EEF1AKMT3: variants seen among roughly 807,000 people sequenced by gnomAD.
The protein encoded by EEF1AKMT3 is eEF1A-KMT3.
In EEF1AKMT3, 17 loss-of-function variants were observed where a neutral mutation model predicts 17.8. That is an observed-to-expected ratio of 0.96 (90% CI 0.65 to 1.43). The LOEUF is 1.43. Among genes scored for constraint, EEF1AKMT3 ranks in the 40% most tolerant of loss-of-function variants. EEF1AKMT3 has a pLI of 0.00. For missense variants in EEF1AKMT3, 244 were observed against 285.8 expected (o/e 0.85, Z 1.06); for synonymous variants, 116 against 126.5 (o/e 0.92, Z 0.56).
intron 2 of EEF1AKMT3, 99 bp downstream of exon 2, chr12:57,773,227 C>A: frequency 9.4e-7 from 1 of 1,063,032 alleles, no homozygotes; most frequent in Non-Finnish European, 1.4e-6. Context: ...AACTTTGGGC[C>A]CAGTCTAACC....
intron 2 of EEF1AKMT3, 125 bp downstream of exon 2, chr12:57,773,253 A>AT (rs955453763): frequency 3.1e-4 from 265 of 864,316 alleles, no homozygotes; most frequent in South Asian, 6.6e-4. Context: ...TTTTTAACAA[A>AT]TTTTTTTTTA....
At chr12:57,777,108 C>G (rs1167499869) in intron 2 of EEF1AKMT3, among the ~76,000 whole-genome samples, 3 of 152,170 alleles carry the variant, frequency 2.0e-5, no homozygotes, top group African/African-American at 4.8e-5. Context: ...TCAAGCCCCC[C>G]ACTTGTCACA....
Position 57,773,159 on chromosome 12 carries a change from T to A in EEF1AKMT3, c.289+31T>A, listed in dbSNP as rs771392884. Reference sequence around the variant, plus strand: ...TGAGCTGGCTTTTTACGGGAGAGAGTGGGGACCCAGGGGCGCGGAGAAATG... The same window carrying A: ...TGAGCTGGCTTTTTACGGGAGAGAGAGGGGACCCAGGGGCGCGGAGAAATG... On this transcript the variant is annotated intron_variant, in intron 2 of 2. Transcript: ENST00000300209. 3.1e-6 allele frequency: 5 copies of A among 1,605,028 alleles called. No homozygotes were observed. In the East Asian group the frequency reaches 8.9e-5, roughly 29 times the overall value.
intron 2 of EEF1AKMT3, among the ~76,000 whole-genome samples, chr12:57,779,277 C>T (rs1955497988): frequency 6.6e-6 from 1 of 152,094 alleles, no homozygotes; most frequent in African/African-American, 2.4e-5. Context: ...TGGGGCTTCA[C>T]CATGGCATAT....
In EEF1AKMT3 at chr12:57,781,680, A is replaced by G. The variant is rs1483948138; in HGVS notation, c.*1034A>G. 1 of 152,194 alleles carries G rather than the reference A, an allele frequency of 6.6e-6. No homozygotes were observed. Among genetic ancestry groups the G allele is most frequent in the African/African-American group, 2.4e-5 (1 of 41,440 alleles). The allele number at this position is 152,194 out of a possible 1,614,324, so 9.4% of individuals were successfully genotyped here. A position where few individuals can be genotyped will look rare whatever the true frequency, so the allele number is the denominator to read the frequency against. Reference sequence around the variant, plus strand: ...TCTTTGATTTTTCTTTAGCTTCATCAGTCCTTCCTTCCTAATCTCTAATCC... The same window carrying G: ...TCTTTGATTTTTCTTTAGCTTCATCGGTCCTTCCTTCCTAATCTCTAATCC... On this transcript the variant is annotated 3_prime_UTR_variant, in exon 3 of 3. Transcript: ENST00000300209.
At chr12:57,777,280 A>G (rs957238545) in intron 2 of EEF1AKMT3, among the ~76,000 whole-genome samples, 1 of 152,154 alleles carries the variant, frequency 6.6e-6, no homozygotes, top group Non-Finnish European at 1.5e-5. Context: ...CTTATTTCAG[A>G]AAAAAACTCT....
chr12:57,773,958 C>G (rs1251464295), intron 2 of EEF1AKMT3, among the ~76,000 whole-genome samples: 2 of 151,968 alleles, frequency 1.3e-5, no homozygotes, highest in Admixed American at 6.6e-5. Flanking sequence ...TTGTAGGAAG[C>G]GGGGTAGGAA....
At chr12:57,777,233 T>C (rs1299575688) in intron 2 of EEF1AKMT3, among the ~76,000 whole-genome samples, 1 of 152,214 alleles carries the variant, frequency 6.6e-6, no homozygotes, top group Admixed American at 6.5e-5. Context: ...TAGTAATATA[T>C]GGAATATAAA....
chr12:57,775,276 C>T (rs917324499), intron 2 of EEF1AKMT3, among the ~76,000 whole-genome samples: 1 of 152,106 alleles, frequency 6.6e-6, no homozygotes, highest in African/African-American at 2.4e-5. Flanking sequence ...TCCTTCTTTG[C>T]CTCCTATTTA....
Position 57,780,719 on chromosome 12 carries a change from G to T in EEF1AKMT3, c.*73G>T. The T allele has an allele frequency of 2.6e-6, 4 of 1,566,374 alleles. No homozygotes were observed. The South Asian group carries it at 4.6e-5, about 18-fold the overall frequency. ...GTGTATCTCAAAAACCATATTTCCA[G>T]AGCCACAAACATGAGGACCAAAAAG... On this transcript the variant is annotated 3_prime_UTR_variant, in exon 3 of 3. Coordinates refer to ENST00000300209, the MANE Select transcript of EEF1AKMT3 (RefSeq NM_015433.3).
At chr12:57,778,542 A>G (rs1955494319) in intron 2 of EEF1AKMT3, among the ~76,000 whole-genome samples, 1 of 151,936 alleles carries the variant, frequency 6.6e-6, no homozygotes, top group Non-Finnish European at 1.5e-5. Flanking sequence ...TCAAGCAGTC[A>G]TCCCGCATTG....
intron 2 of EEF1AKMT3, among the ~76,000 whole-genome samples, chr12:57,778,862 C>A (rs1955496039): frequency 1.3e-5 from 2 of 152,084 alleles, no homozygotes; most frequent in Non-Finnish European, 2.9e-5. Context: ...CAGCGTGTGC[C>A]ATTCTTTTTT....
rs1955515138 is a variant in EEF1AKMT3, at chr12:57,781,500, T to C, written c.*854T>C. On this transcript the variant is annotated 3_prime_UTR_variant, in exon 3 of 3. Transcript: ENST00000300209. ...TTAGAGATAGAGTCTAGTGGAACCA[T>C]GGCTCTAACTGGGTCAAGTCCTCCT... 1 of 152,168 alleles carries C rather than the reference T, an allele frequency of 6.6e-6. No homozygotes were observed. The highest frequency in any genetic ancestry group is 6.5e-5 in the Admixed American group (1 of 15,276). 9.4% of individuals were successfully genotyped at this position (152,168 alleles called of 1,614,324 possible). A position where few individuals can be genotyped will look rare whatever the true frequency, so the allele number is the denominator to read the frequency against.
Position 57,775,668 on chromosome 12 carries a change from A to G in EEF1AKMT3, c.289+2540A>G, listed in dbSNP as rs149104254. On this transcript the variant is annotated intron_variant, in intron 2 of 2. Transcript: ENST00000300209. ...TCTGGGGAAGTATTATCTTTTCAGC[A>G]TCTCTAGTTCAGGCCACTGGCATCT... Among the ~76,000 whole-genome samples the G allele has an allele frequency of 4.0e-3, 608 of 152,296 alleles. 9 individuals are homozygous for G. The highest frequency in any genetic ancestry group is 0.014 in the African/African-American group (593 of 41,552).
chr12:57,774,493 A>T (rs1955467234), intron 2 of EEF1AKMT3: 1 of 577,028 alleles, frequency 1.7e-6, no homozygotes, highest in Non-Finnish European at 3.2e-6. Flanking sequence ...AAATAAAAAA[A>T]GGGAAATCTT....
Position 57,780,259 on chromosome 12 carries a change from G to A in EEF1AKMT3, c.294G>A (p.Gly98=), listed in dbSNP as rs776610570. The A allele has an allele frequency of 1.2e-6, 2 of 1,611,880 alleles. No homozygotes were observed. Among genetic ancestry groups the A allele is most frequent in the Non-Finnish European group, 1.7e-6 (2 of 1,179,484 alleles). The change falls in exon 3 of 3, where the codon GGG becomes GGA. Residue 98 remains glycine, a synonymous_variant. Transcript: ENST00000300209. ...TTCCTCCTTCCTCTCTCTCAGGGGG[G>A]GATGTTACCATCACTGACCTGCCCC... ...IVGILAALQG[G]DVTITDLPLA...
At position 57,780,740 on chromosome 12, in the gene EEF1AKMT3, A is replaced by G; in HGVS notation, c.*94A>G. ...TCCAGAGCCACAAACATGAGGACCA[A>G]AAAGGATGGATTTCCCTGGCCTCTC... On this transcript the variant is annotated 3_prime_UTR_variant, in exon 3 of 3. Transcript: ENST00000300209. The G allele has an allele frequency of 6.7e-7, 1 of 1,502,602 alleles. No individual in the cohort carries two copies. The highest frequency in any genetic ancestry group is 9.0e-7 in the Non-Finnish European group (1 of 1,116,692). The allele number at this position is 1,502,602 out of a possible 1,614,324, so 93.1% of individuals were successfully genotyped here.
At position 57,772,637 on chromosome 12, in the gene EEF1AKMT3, A is replaced by G; in HGVS notation, c.-88A>G. 1 of 1,408,998 alleles carries G rather than the reference A, an allele frequency of 7.1e-7. No individual in the cohort carries two copies. The highest frequency in any genetic ancestry group is 1.4e-5 in the South Asian group (1 of 71,494). The allele number at this position is 1,408,998 out of a possible 1,614,324, so 87.3% of individuals were successfully genotyped here. A position where few individuals can be genotyped will look rare whatever the true frequency, so the allele number is the denominator to read the frequency against. ...GGGCTCGTTCCACAGGGACACCACG[A>G]CGGCTCGCGGCCCCCAGCCTCTACC... On this transcript the variant is annotated 5_prime_UTR_variant, in exon 1 of 3. Coordinates refer to ENST00000300209, the MANE Select transcript of EEF1AKMT3 (RefSeq NM_015433.3). The surrounding 1 kb of genome is among the most constrained non-coding windows in gnomAD (Gnocchi z 4.1).
Position 57,780,261 on chromosome 12 carries a change from A to G in EEF1AKMT3, c.296A>G (p.Asp99Gly). Residue 99 changes from aspartate (D) to glycine (G), a missense_variant, in exon 3 of 3, where the codon GAT (aspartate) becomes GGT (glycine). Transcript: ENST00000300209. Reference sequence around the variant, plus strand: ...CCTCCTTCCTCTCTCTCAGGGGGGGATGTTACCATCACTGACCTGCCCCTG... The same window carrying G: ...CCTCCTTCCTCTCTCTCAGGGGGGGGTGTTACCATCACTGACCTGCCCCTG... ...VGILAALQGG[D>G]VTITDLPLAL... 1 of 1,610,180 alleles carries G rather than the reference A, an allele frequency of 6.2e-7. No homozygotes were observed. The highest frequency in any genetic ancestry group is 8.5e-7 in the Non-Finnish European group (1 of 1,179,072).
Sources: allele counts gnomAD v4.1 joint callset (sites outside exome capture counted in the v4.1 genomes callset), GRCh38; gene constraint gnomAD v4.1.1; non-coding constraint Gnocchi (gnomAD v3.1); transcripts MANE v1.5; gene names NCBI Gene and HGNC (gene_info 2026-07-23, HGNC 2026-07-21).